Variants in DSCAM observed in about 807,000 individuals in gnomAD.
DSCAM encodes cell adhesion molecule DSCAM.
A neutral mutation model predicts 217.7 loss-of-function variants in DSCAM; 47 were observed. That is an observed-to-expected ratio of 0.22 (90% confidence interval 0.17 to 0.28). The LOEUF is 0.28. Ranked by LOEUF, DSCAM falls within the 10% of genes least tolerant of loss-of-function variation. The probability of loss-of-function intolerance (pLI) is 1.00; values close to 1 mark genes in which losing one functional copy is unlikely to be tolerated. For missense variants in DSCAM, 2,080 were observed against 2,618.3 expected, an observed-to-expected ratio of 0.79 and a Z score of 4.49; for synonymous variants, 1,056 against 1,015.3, an observed-to-expected ratio of 1.04 and a Z score of -0.76.
intron 8 of DSCAM, among the ~76,000 whole-genome samples, chr21:40,317,813 G>A (rs529177568): frequency 7.2e-5 from 11 of 152,282 alleles, no homozygotes; most frequent in East Asian, 1.9e-4. Flanking sequence ...GATTATAGGC[G>A]TGAGCCACCG....
At chr21:40,756,320 C>T (rs184533978) in intron 1 of DSCAM, among the ~76,000 whole-genome samples, 104 of 152,322 alleles carry the variant, frequency 6.8e-4, no homozygotes, top group African/African-American at 2.4e-3. Context: ...TGAGCAGATG[C>T]CAGTATTATG....
chr21:40,397,826 T>G (rs1176482657), intron 3 of DSCAM, among the ~76,000 whole-genome samples: 1 of 151,892 alleles, frequency 6.6e-6, no homozygotes, highest in African/African-American at 2.4e-5. Context: ...ACCCCTACTA[T>G]CATCACTACT....
chr21:40,780,423 G>GTGTGTGTGTGTGTGTATA (rs1007015659), intron 1 of DSCAM, among the ~76,000 whole-genome samples: 5 of 56,436 alleles, frequency 8.9e-5, no homozygotes, highest in African/African-American at 3.8e-4. Flanking sequence ...GTGTGTGTGT[G>GTGTGTGTGTGTGTGTATA]TATATATATA....
Position 40,825,266 on chromosome 21 carries a change from T to TTTCCTTCTTTCC in DSCAM, c.43+21352_43+21353insGGAAAGAAGGAA, listed in dbSNP as rs1251108584. ...AGGTGTTCAGTGAACATTTTCTTTC[T>TTTCCTTCTTTCC]TTCCTTCCTTCCTTCCTTCCTTCCT... On this transcript the variant is annotated intron_variant, in intron 1 of 32. Transcript: ENST00000400454. Among the ~76,000 whole-genome samples the TTTCCTTCTTTCC allele has an allele frequency of 2.9e-3, 405 of 140,060 alleles. 10 individuals are homozygous for TTTCCTTCTTTCC. The East Asian group carries it at 0.053, about 18-fold the overall frequency. 91.9% of individuals were successfully genotyped at this position (140,060 alleles called of 152,430 possible).
rs930348003 is a variant in DSCAM at position 40,037,607 on chromosome 21, A to T, written c.5686+4764T>A. Among the ~76,000 whole-genome samples the T allele has an allele frequency of 2.5e-4, 38 of 149,562 alleles. 1 individual carries two copies. Among genetic ancestry groups the T allele is most frequent in the African/African-American group, 9.7e-4 (38 of 39,256 alleles). On this transcript the variant is annotated intron_variant, in intron 32 of 32. Coordinates refer to ENST00000400454, the MANE Select transcript of DSCAM (RefSeq NM_001389.5). Reference sequence around the variant, plus strand: ...CCATACTGCCCAAGGTAATTTACAGATTCAATGCCATCCCCATCAAGCTAC... The same window carrying T: ...CCATACTGCCCAAGGTAATTTACAGTTTCAATGCCATCCCCATCAAGCTAC...
intron 4 of DSCAM, among the ~76,000 whole-genome samples, chr21:40,368,271 T>C (rs2074855442): frequency 1.3e-5 from 2 of 152,240 alleles, no homozygotes; most frequent in Admixed American, 1.3e-4. Context: ...CAGAATATTG[T>C]GCTCTCCTTA....
chr21:40,214,747 A>AC (rs1491566568), intron 11 of DSCAM, among the ~76,000 whole-genome samples: 7 of 150,020 alleles, frequency 4.7e-5, no homozygotes, highest in South Asian at 4.2e-4. Context: ...AAAAAAAAAA[A>AC]AAAAACAAAA....
intron 3 of DSCAM, among the ~76,000 whole-genome samples, chr21:40,451,630 CAAT>C (rs543668579): frequency 4.5e-4 from 69 of 152,266 alleles, no homozygotes; most frequent in African/African-American, 1.2e-3. Context: ...CAAAGCACAA[CAAT>C]GATAGTAATT....
chr21:40,289,127 A>G (rs528061488), intron 10 of DSCAM, among the ~76,000 whole-genome samples: 1 of 152,380 alleles, frequency 6.6e-6, no homozygotes, highest in East Asian at 1.9e-4. Context: ...GGGAGAGAGA[A>G]GCCTAGAAAA....
At chr21:40,669,863 G>A (rs997417434) in intron 3 of DSCAM, among the ~76,000 whole-genome samples, 2 of 151,654 alleles carry the variant, frequency 1.3e-5, no homozygotes, top group Non-Finnish European at 2.9e-5. Context: ...GAGCTACTGC[G>A]CCCGACCATG....
chr21:40,840,274 T>C (rs2092089653), intron 1 of DSCAM, among the ~76,000 whole-genome samples: 1 of 152,066 alleles, frequency 6.6e-6, no homozygotes, highest in Non-Finnish European at 1.5e-5. Context: ...AAGAAAACAG[T>C]AGTATGACTT....
chr21:40,160,953 C>T (rs1568974797), intron 16 of DSCAM, among the ~76,000 whole-genome samples: 1 of 152,334 alleles, frequency 6.6e-6, no homozygotes, highest in East Asian at 1.9e-4. Flanking sequence ...GTCAAGGCCA[C>T]TCTGCTGGAG....
At chr21:40,655,512 G>A (rs112636460) in intron 3 of DSCAM, among the ~76,000 whole-genome samples, 23 of 149,708 alleles carry the variant, frequency 1.5e-4, no homozygotes, top group African/African-American at 3.5e-4. Flanking sequence ...GCACAATCAC[G>A]GCTCATTACA....
intron 1 of DSCAM, among the ~76,000 whole-genome samples, chr21:40,715,270 T>G (rs140249068): frequency 8.9e-4 from 135 of 152,310 alleles, no homozygotes; most frequent in African/African-American, 3.2e-3. Context: ...TTCCGGAAAG[T>G]CAGATCTAGG....
intron 3 of DSCAM, among the ~76,000 whole-genome samples, chr21:40,503,553 A>G (rs2076186718): frequency 6.6e-6 from 1 of 152,232 alleles, no homozygotes; most frequent in East Asian, 1.9e-4. Context: ...TGGCAGTGCT[A>G]TCAAGGAGCT....
intron 4 of DSCAM, among the ~76,000 whole-genome samples, chr21:40,363,049 T>C (rs1414849661): frequency 2.0e-5 from 3 of 152,072 alleles, no homozygotes; most frequent in East Asian, 1.9e-4. Flanking sequence ...ACCTCAGACA[T>C]TTCCTGCCTC....
chr21:40,225,765 T>C (rs994053794), intron 11 of DSCAM, among the ~76,000 whole-genome samples: 3 of 152,114 alleles, frequency 2.0e-5, no homozygotes, highest in African/African-American at 7.2e-5. Context: ...AACAATACTT[T>C]TCCCCAGGCC....
chr21:40,061,603 A>G (rs1445631794), intron 28 of DSCAM, among the ~76,000 whole-genome samples: 3 of 151,284 alleles, frequency 2.0e-5, no homozygotes, highest in Non-Finnish European at 2.9e-5. Context: ...GAAAAGACTT[A>G]TCCTTCATAT....
intron 3 of DSCAM, among the ~76,000 whole-genome samples, chr21:40,628,709 CTATCTATCTATCTAT>C (rs1405663703): frequency 1.1e-4 from 1 of 8,992 alleles, no homozygotes; most frequent in Non-Finnish European, 4.5e-4. Flanking sequence ...ATCTATCTAT[CTATCTATCTATCTAT>C]CTATCTATCT....
Sources: gnomAD v4.1 joint callset for allele counts (sites outside exome capture counted in the v4.1 genomes callset) on GRCh38, gnomAD v4.1.1 for gene constraint, MANE v1.5 for transcripts, NCBI Gene and HGNC (gene_info 2026-07-23, HGNC 2026-07-21) for gene names.